DNAJC16: variants seen among roughly 807,000 people sequenced by gnomAD.
DNAJC16 encodes DnaJ heat shock protein family (Hsp40) member C16.
A neutral mutation model predicts 92.7 loss-of-function variants in DNAJC16; 76 were observed. That is an observed-to-expected ratio of 0.82 (90% CI 0.68 to 0.99). DNAJC16 has a LOEUF of 0.99. DNAJC16 is among the 50% of genes least tolerant of loss of function. DNAJC16 has a pLI of 0.00. For missense variants in DNAJC16, 869 were observed against 942.4 expected, an observed-to-expected ratio of 0.92 and a Z score of 1.02; for synonymous variants, 328 against 358.7, an observed-to-expected ratio of 0.91 and a Z score of 0.97.
intron 7 of DNAJC16, among the ~76,000 whole-genome samples, chr1:15,552,494 A>G (rs946933772): frequency 1.3e-5 from 2 of 152,070 alleles, no homozygotes; most frequent in Admixed American, 6.6e-5. Context: ...ATCTCAAAAA[A>G]AAAAAGTTAC....
intron 7 of DNAJC16, 54 bp from the exon 8 acceptor site, chr1:15,559,472 T>A (rs1477644010): frequency 5.6e-6 from 9 of 1,603,836 alleles, no homozygotes; most frequent in Non-Finnish European, 6.0e-6. Flanking sequence ...AAAGCCCATC[T>A]ATTTGCATTG....
chr1:15,568,167 A>T lies in DNAJC16; in HGVS notation c.2339A>T (p.Glu780Val). Residue 780 changes from glutamate (E) to valine (V), a missense_variant, in exon 15 of 15, where the codon GAA becomes GTA. Glu to Val is a moderately radical substitution (Grantham distance 121). Transcript: ENST00000375847. The stretch of plus-strand genomic sequence containing the variant: ...AGGTTTTATATCCCATCATGGCCTG[A>T]ACTAGACTGAGAGGATTTTCCAAAG... ...LQRFYIPSWP[E>V]LD The T allele has an allele frequency of 6.2e-7, 1 of 1,604,130 alleles. No individual in the cohort carries two copies. Among genetic ancestry groups the T allele is most frequent in the Non-Finnish European group, 8.5e-7 (1 of 1,174,764 alleles).
At chr1:15,533,702 G>A (rs576194767) in intron 2 of DNAJC16, among the ~76,000 whole-genome samples, 17 of 152,212 alleles carry the variant, frequency 1.1e-4, no homozygotes, top group South Asian at 2.1e-4. Flanking sequence ...TAATAATAAC[G>A]AAAAATGTTC....
At chr1:15,532,449 A>T (rs1388842885) in intron 2 of DNAJC16, among the ~76,000 whole-genome samples, 2 of 152,036 alleles carry the variant, frequency 1.3e-5, no homozygotes, top group African/African-American at 4.8e-5. Context: ...AGTATTCCGT[A>T]TGAATACAGC....
intron 9 of DNAJC16, 63 bp from the exon 10 acceptor site, chr1:15,563,866 A>G (rs1638748926): frequency 6.7e-7 from 1 of 1,493,426 alleles, no homozygotes; most frequent in Non-Finnish European, 9.0e-7. Context: ...AAAAAAAAGC[A>G]AACAACTGTA....
At chr1:15,544,294 C>T (rs1183058865) in intron 4 of DNAJC16, 105 bp from the exon 5 acceptor site, 1 of 1,134,722 alleles carries the variant, frequency 8.8e-7, no homozygotes, top group Non-Finnish European at 1.2e-6. Context: ...AAGACATCTC[C>T]TATGAGGTCG....
rs1385147846 is a variant in DNAJC16 at position 15,544,512 on chromosome 1, C to G, written c.688C>G (p.His230Asp). Residue 230 changes from histidine to aspartate, a missense_variant, in exon 5 of 15, where the codon CAC (histidine) becomes GAC (aspartate). By Grantham distance (81) the His-to-Asp change is moderately conservative. Coordinates refer to ENST00000375847, the MANE Select transcript of DNAJC16 (RefSeq NM_015291.4). ...CATTAACGGGAAAATCTCCTTCTTCCACAATGCAGTTGTCCGTGAAAATCT... is the reference window on the plus strand; with the variant it reads ...CATTAACGGGAAAATCTCCTTCTTCGACAATGCAGTTGTCCGTGAAAATCT... ...GIINGKISFF[H>D]NAVVRENLRQ... 1.3e-5 allele frequency: 21 copies of G among 1,614,048 alleles called. No individual in the cohort carries two copies. The highest frequency in any genetic ancestry group is 1.7e-5 in the Non-Finnish European group (20 of 1,180,046).
chr1:15,540,894 C>T (rs1710917174), intron 4 of DNAJC16, among the ~76,000 whole-genome samples: 1 of 152,140 alleles, frequency 6.6e-6, no homozygotes, highest in African/African-American at 2.4e-5. Flanking sequence ...TAGGGTGAGT[C>T]AGTCACTGAG....
Position 15,568,464 on chromosome 1 carries a change from T to C in DNAJC16, c.*287T>C, listed in dbSNP as rs1467513. The stretch of plus-strand genomic sequence containing the variant: ...CTCATCCCCTCTTCCTTTCTTGTCC[T>C]TGTCCCATGCTCACCCCACCCTCCT... On this transcript the variant is annotated 3_prime_UTR_variant, in exon 15 of 15. Coordinates refer to ENST00000375847, the MANE Select transcript of DNAJC16 (RefSeq NM_015291.4). 159,862 of 501,512 alleles carry C rather than the reference T, an allele frequency of 0.32. 27,304 individuals carry two copies. The highest frequency in any genetic ancestry group is 0.56 in the East Asian group (18,314 of 32,480). 31.1% of individuals were successfully genotyped at this position (501,512 alleles called of 1,614,324 possible).
At chr1:15,537,386 C>T (rs908555999) in intron 4 of DNAJC16, among the ~76,000 whole-genome samples, 7 of 152,088 alleles carry the variant, frequency 4.6e-5, no homozygotes, top group Non-Finnish European at 1.0e-4. Flanking sequence ...GAAGAGGGCC[C>T]AGAACTAGCA....
chr1:15,541,285 G>T (rs1339267816), intron 4 of DNAJC16, among the ~76,000 whole-genome samples: 1 of 151,960 alleles, frequency 6.6e-6, no homozygotes. Context: ...TCTTTCTTCT[G>T]CTCATATAAT....
intron 5 of DNAJC16, among the ~76,000 whole-genome samples, chr1:15,545,759 AG>A (rs1404063714): frequency 6.6e-6 from 1 of 152,220 alleles, no homozygotes; most frequent in African/African-American, 2.4e-5. Context: ...GAGCCGTTGT[AG>A]GGGTTTGAGC....
chr1:15,544,151 TACACAC>T (rs148744006), intron 4 of DNAJC16, among the ~76,000 whole-genome samples: 43,818 of 137,146 alleles, frequency 0.32, 6,962 homozygotes, highest in East Asian at 0.56. Context: ...TGTATATGCA[TACACAC>T]ACACACACAC....
intron 5 of DNAJC16, among the ~76,000 whole-genome samples, chr1:15,545,008 A>G (rs1338745427): frequency 1.3e-5 from 2 of 152,220 alleles, no homozygotes; most frequent in African/African-American, 4.8e-5. Context: ...TAACGATCAT[A>G]TCTATGGAAA....
At chr1:15,561,065 C>A (rs1426753173) in intron 8 of DNAJC16, among the ~76,000 whole-genome samples, 1 of 151,888 alleles carries the variant, frequency 6.6e-6, no homozygotes, top group African/African-American at 2.4e-5. Flanking sequence ...TCTGATGGAG[C>A]CTGGCTTCTA....
At position 15,548,255 on chromosome 1, in the gene DNAJC16, A is replaced by G. The variant is rs377118633; in HGVS notation, c.865-15A>G. ...CTGTAGTTTTATTTTCTTCCTCTCT[A>G]TTATGCCCTAACAGTTGACTGCCTT... On this transcript the variant is annotated splice_polypyrimidine_tract_variant and intron_variant, in intron 6 of 14. Transcript: ENST00000375847. The G allele has an allele frequency of 1.1e-4, 180 of 1,612,734 alleles. 1 individual carries two copies. The highest frequency in any genetic ancestry group is 1.5e-4 in the Admixed American group (9 of 59,796).
intron 2 of DNAJC16, 58 bp from the exon 3 acceptor site, chr1:15,534,179 A>C: frequency 6.3e-7 from 1 of 1,578,144 alleles, no homozygotes; most frequent in South Asian, 1.1e-5. Context: ...CAAGGACATT[A>C]AATGACTGTG....
At chr1:15,551,245 G>C (rs1331753193) in intron 7 of DNAJC16, among the ~76,000 whole-genome samples, 1 of 152,306 alleles carries the variant, frequency 6.6e-6, no homozygotes, top group East Asian at 1.9e-4. Context: ...ATGTCTTTTT[G>C]ATGGATTTAA....
intron 7 of DNAJC16, among the ~76,000 whole-genome samples, chr1:15,549,320 TAAGAA>T (rs1370097258): frequency 6.6e-6 from 1 of 152,168 alleles, no homozygotes; most frequent in African/African-American, 2.4e-5. Flanking sequence ...ATCGAGATCT[TAAGAA>T]AAGCATACAG....
Sources: gnomAD v4.1 joint callset for allele counts (sites outside exome capture counted in the v4.1 genomes callset) on GRCh38, gnomAD v4.1.1 for gene constraint, MANE v1.5 for transcripts, NCBI Gene and HGNC (gene_info 2026-07-23, HGNC 2026-07-21) for gene names.